The following FAF1 variants were observed in gnomAD, a reference collection of about 807,000 sequenced individuals.
The protein encoded by FAF1 is FAS-associated factor 1.
FAF1 carries 25 observed loss-of-function variants against 92.5 expected under a neutral mutation model. The ratio of observed to expected loss-of-function variants is 0.27; its 90% CI spans 0.20 to 0.38. The LOEUF (loss-of-function observed/expected upper bound fraction) is 0.38, where lower values mean the gene tolerates loss of function less well. FAF1 is among the 10% of genes least tolerant of loss of function. The pLI is 1.00. For synonymous variants in FAF1, 234 were observed against 273.2 expected, an observed-to-expected ratio of 0.86 and a Z score of 1.42; for missense variants, 636 against 793.3, an observed-to-expected ratio of 0.80 and a Z score of 2.38.
intron 1 of FAF1, among the ~76,000 whole-genome samples, chr1:50,893,739 A>C (rs1222820806): frequency 6.6e-6 from 1 of 152,192 alleles, no homozygotes; most frequent in Non-Finnish European, 1.5e-5. Context: ...AAATCAGCAG[A>C]TGGTGAAGCC....
intron 6 of FAF1, among the ~76,000 whole-genome samples, chr1:50,712,000 A>G (rs1657953989): frequency 6.6e-6 from 1 of 152,168 alleles, no homozygotes; most frequent in Admixed American, 6.5e-5. Flanking sequence ...CATTTTACAG[A>G]TGAGGAAACT....
At chr1:50,546,654 G>A (rs1323539954) in intron 13 of FAF1, among the ~76,000 whole-genome samples, 1 of 151,948 alleles carries the variant, frequency 6.6e-6, no homozygotes, top group Admixed American at 6.6e-5. Context: ...ATGAGATACC[G>A]CGCCCGGCCA....
At position 50,788,114 on chromosome 1, in the gene FAF1, G is replaced by C; in HGVS notation, c.253C>G (p.Arg85Gly). ...ATCTGCCTGGATGGCATTACAGGTC[G>C]AAACGCTGAAGAAGAAGAGGAAGTA... The part of the protein sequence containing the change: ...APTSSSSSAF[R>G]PVMPSRQIVE... Residue 85 changes from arginine (R) to glycine (G), a missense_variant, in exon 4 of 19, where the codon CGA becomes GGA. By Grantham distance (125) the Arg-to-Gly change is moderately radical. Coordinates refer to ENST00000396153, the MANE Select transcript of FAF1 (RefSeq NM_007051.3). The C allele has an allele frequency of 6.2e-7, 1 of 1,614,098 alleles. No individual in the cohort carries two copies. Among genetic ancestry groups the C allele is most frequent in the Non-Finnish European group, 8.5e-7 (1 of 1,179,976 alleles).
intron 2 of FAF1, chr1:50,846,735 C>T (rs1470773557): frequency 7.5e-6 from 5 of 669,674 alleles, no homozygotes; most frequent in Non-Finnish European, 1.4e-5. Context: ...TGTGATTAGA[C>T]CGAATATTGT....
At chr1:50,821,444 G>GC (rs1335999762) in intron 2 of FAF1, among the ~76,000 whole-genome samples, 1 of 152,100 alleles carries the variant, frequency 6.6e-6, no homozygotes, top group Non-Finnish European at 1.5e-5. Context: ...CTTTTACTAT[G>GC]CCATACCATT....
At chr1:50,857,763 G>A (rs539158450) in intron 2 of FAF1, among the ~76,000 whole-genome samples, 166 bp downstream of exon 2, 1 of 151,812 alleles carries the variant, frequency 6.6e-6, no homozygotes, top group South Asian at 2.1e-4. Context: ...TTAATACTGA[G>A]CTAAATATAA....
At chr1:50,495,341 A>G (rs917902160) in intron 15 of FAF1, among the ~76,000 whole-genome samples, 2 of 152,176 alleles carry the variant, frequency 1.3e-5, no homozygotes, top group Non-Finnish European at 2.9e-5. Context: ...ACATTCTACA[A>G]ATTAAGTGAG....
chr1:50,490,446 A>AGGAAGGAAGGAAGGAG (rs1557966693), intron 17 of FAF1, 142 bp downstream of exon 17: 1 of 403,252 alleles, frequency 2.5e-6, no homozygotes, highest in East Asian at 2.9e-5. Context: ...GAAGGAAGGA[A>AGGAAGGAAGGAAGGAG]GGAAGGAAGG....
At chr1:50,884,233 G>A (rs1353104958) in intron 1 of FAF1, among the ~76,000 whole-genome samples, 1 of 151,878 alleles carries the variant, frequency 6.6e-6, no homozygotes, top group East Asian at 1.9e-4. Context: ...CTTAAATATA[G>A]GCCAGGCACA....
chr1:50,846,046 C>T (rs1231360921), intron 2 of FAF1, among the ~76,000 whole-genome samples: 3 of 152,002 alleles, frequency 2.0e-5, no homozygotes, highest in Non-Finnish European at 4.4e-5. Context: ...ATCACTTGAA[C>T]CCAGGAGATG....
At chr1:50,847,946 A>G (rs1464857728) in intron 2 of FAF1, among the ~76,000 whole-genome samples, 1 of 152,084 alleles carries the variant, frequency 6.6e-6, no homozygotes, top group African/African-American at 2.4e-5. Context: ...AAAAACAAAC[A>G]CAAAGAAACA....
chr1:50,829,377 T>C lies in FAF1; in HGVS notation c.115-27700A>G, dbSNP rs1644132957. On this transcript the variant is annotated intron_variant, in intron 2 of 18. Coordinates refer to ENST00000396153, the MANE Select transcript of FAF1 (RefSeq NM_007051.3). ...AAAAAGGCATTATCCTTCCATTTCT[T>C]TTTTAATGAGATCTCACAGTTTTGC... Among the ~76,000 whole-genome samples the C allele has an allele frequency of 2.0e-5, 3 of 152,196 alleles. No homozygotes were observed. The South Asian group carries it at 6.2e-4, about 32-fold the overall frequency.
Position 50,440,790 on chromosome 1 carries a change from C to A in FAF1, c.*650G>T, listed in dbSNP as rs966634226. 1 of 152,248 alleles carries A rather than the reference C, an allele frequency of 6.6e-6. No individual in the cohort carries two copies. The highest frequency in any genetic ancestry group is 6.5e-5 in the Admixed American group (1 of 15,292). 9.4% of individuals were successfully genotyped at this position (152,248 alleles called of 1,614,324 possible). A position where few individuals can be genotyped will look rare whatever the true frequency, so the allele number is the denominator to read the frequency against. ...ACAGTTTCCCTATGCTGCAATGGAACAGCAAATACCTCCTAGGTAGAACCT... is the reference window on the plus strand; with the variant it reads ...ACAGTTTCCCTATGCTGCAATGGAAAAGCAAATACCTCCTAGGTAGAACCT... On this transcript the variant is annotated 3_prime_UTR_variant, in exon 19 of 19. Transcript: ENST00000396153.
intron 12 of FAF1, among the ~76,000 whole-genome samples, chr1:50,570,006 G>T (rs1650356570): frequency 6.6e-6 from 1 of 152,174 alleles, no homozygotes; most frequent in Admixed American, 6.5e-5. Context: ...TGTTTTGGAG[G>T]ATCAACCATT....
At chr1:50,949,289 G>A (rs1645195961) in intron 1 of FAF1, among the ~76,000 whole-genome samples, 1 of 152,218 alleles carries the variant, frequency 6.6e-6, no homozygotes, top group African/African-American at 2.4e-5. Context: ...GCAAACTAAA[G>A]TTTGAGAACC....
At chr1:50,735,593 G>GT (rs780009756) in intron 6 of FAF1, among the ~76,000 whole-genome samples, 2 of 152,110 alleles carry the variant, frequency 1.3e-5, no homozygotes, top group East Asian at 3.8e-4. Context: ...AAGTTAAGAA[G>GT]TTTTTTTGTT....
rs150750153 is a variant in FAF1, at chr1:50,544,792, T to A, written c.1269-5064A>T. 9.7e-4 allele frequency among the ~76,000 whole-genome samples: 148 copies of A among 152,178 alleles called. 3 individuals are homozygous for A. The East Asian group carries it at 0.024, about 25-fold the overall frequency. On this transcript the variant is annotated intron_variant, in intron 13 of 18. Coordinates refer to ENST00000396153, the MANE Select transcript of FAF1 (RefSeq NM_007051.3). Reference sequence around the variant, plus strand: ...ATAGAGTGGTCAGGGAAAGTCTCAATGAAACGCTGACATTTGATCAAAGAC... The same window carrying A: ...ATAGAGTGGTCAGGGAAAGTCTCAAAGAAACGCTGACATTTGATCAAAGAC...
intron 1 of FAF1, among the ~76,000 whole-genome samples, chr1:50,888,546 T>C (rs1469404152): frequency 6.6e-6 from 1 of 152,182 alleles, no homozygotes; most frequent in Non-Finnish European, 1.5e-5. Flanking sequence ...TTGAGATACA[T>C]CCCATTAATA....
Position 50,495,997 on chromosome 1 carries a change from T to C in FAF1, c.1495-4196A>G, listed in dbSNP as rs145446981. Among the ~76,000 whole-genome samples, 17 of 152,046 alleles carry C rather than the reference T, an allele frequency of 1.1e-4. No homozygotes were observed. In the East Asian group the frequency reaches 3.3e-3, roughly 29 times the overall value. The stretch of plus-strand genomic sequence containing the variant: ...CACTGAAAATGATGACTATTAAAAA[T>C]AAAATATTTTATGAGTTGCCAAATG... On this transcript the variant is annotated intron_variant, in intron 15 of 18. Coordinates refer to ENST00000396153, the MANE Select transcript of FAF1 (RefSeq NM_007051.3).
Sources: gnomAD v4.1 joint callset for allele counts (sites outside exome capture counted in the v4.1 genomes callset) on GRCh38, gnomAD v4.1.1 for gene constraint, MANE v1.5 for transcripts, NCBI Gene and HGNC (gene_info 2026-07-23, HGNC 2026-07-21) for gene names.